Variants in AKAP19 observed in about 807,000 individuals in gnomAD.
The protein encoded by AKAP19 is A-kinase anchoring protein 19, also known as small A-kinase anchoring protein.
chr2:190,062,576 A>G, the AKAP19 span: 132 of 1,612,252 alleles, frequency 8.2e-5, no homozygotes, highest in Non-Finnish European at 1.1e-4. Context: ...AAATATAAAC[A>G]CAGAGTTGCA....
the AKAP19 span, among the ~76,000 whole-genome samples, chr2:190,174,871 A>G: frequency 1.1e-3 from 160 of 152,364 alleles, 1 homozygote; most frequent in African/African-American, 3.6e-3. Flanking sequence ...CCAAGCAGTA[A>G]TGTTCTTCTC....
chr2:190,074,379 C>T, the AKAP19 span, among the ~76,000 whole-genome samples: 6 of 151,984 alleles, frequency 3.9e-5, no homozygotes, highest in South Asian at 2.1e-4. Flanking sequence ...AGGCCAGGTG[C>T]GGTGGCTTCA....
chr2:190,085,877 G>A, the AKAP19 span, among the ~76,000 whole-genome samples: 6 of 152,168 alleles, frequency 3.9e-5, no homozygotes, highest in African/African-American at 1.4e-4. Flanking sequence ...TTATGAGCAC[G>A]AAGGCCATGG....
the AKAP19 span, chr2:189,930,650 TG>T: frequency 2.9e-6 from 1 of 343,100 alleles, no homozygotes; most frequent in East Asian, 6.9e-5. Flanking sequence ...CACTCCAGCC[TG>T]GGTGACAAGA....
chr2:190,084,560 CA>C, the AKAP19 span, among the ~76,000 whole-genome samples: 2 of 152,010 alleles, frequency 1.3e-5, no homozygotes, highest in Non-Finnish European at 2.9e-5. Context: ...TTCACGTAGT[CA>C]AAAAACACAA....
At chr2:190,107,422 T>A in the AKAP19 span, among the ~76,000 whole-genome samples, 1 of 151,616 alleles carries the variant, frequency 6.6e-6, no homozygotes, top group Non-Finnish European at 1.5e-5. Context: ...ATTCCAGTAT[T>A]TTTTTTTTCT....
At chr2:190,070,621 C>CA in the AKAP19 span, among the ~76,000 whole-genome samples, 1 of 139,756 alleles carries the variant, frequency 7.2e-6, no homozygotes, top group African/African-American at 2.6e-5. Context: ...CTCTCCCCCC[C>CA]CCCTTTTTTT....
the AKAP19 span, among the ~76,000 whole-genome samples, chr2:190,045,840 G>C: frequency 6.6e-6 from 1 of 152,200 alleles, no homozygotes; most frequent in South Asian, 2.1e-4. Context: ...TTGTCAGAAA[G>C]CCTGAGTATC....
At chr2:189,924,852 A>G in the AKAP19 span, among the ~76,000 whole-genome samples, 1 of 152,108 alleles carries the variant, frequency 6.6e-6, no homozygotes, top group Non-Finnish European at 1.5e-5. Context: ...TTTTTCCTCA[A>G]AATAAACAAG....
At chr2:190,120,230 T>A in the AKAP19 span, among the ~76,000 whole-genome samples, 1 of 152,128 alleles carries the variant, frequency 6.6e-6, no homozygotes, top group African/African-American at 2.4e-5. Context: ...GGATCCAGGT[T>A]TCGCGCACCT....
At chr2:190,159,641 G>A in the AKAP19 span, among the ~76,000 whole-genome samples, 12 of 152,222 alleles carry the variant, frequency 7.9e-5, 1 homozygote, top group South Asian at 8.3e-4. Context: ...TGACTGCTTC[G>A]TAACCACATT....
the AKAP19 span, among the ~76,000 whole-genome samples, chr2:189,885,382 G>T: frequency 4.6e-5 from 7 of 152,214 alleles, no homozygotes; most frequent in Admixed American, 1.3e-4. Flanking sequence ...GAGACTATGT[G>T]TGGAGAAAGA....
At chr2:190,143,517 A>T in the AKAP19 span, among the ~76,000 whole-genome samples, 2 of 152,092 alleles carry the variant, frequency 1.3e-5, no homozygotes, top group Admixed American at 6.6e-5. Flanking sequence ...CCTTATCATC[A>T]TATGTTTATG....
the AKAP19 span, among the ~76,000 whole-genome samples, chr2:190,183,259 G>A: frequency 6.6e-6 from 1 of 152,144 alleles, no homozygotes; most frequent in Admixed American, 6.5e-5. Flanking sequence ...TGCCAAGTAC[G>A]ATAATGGCTG....
At chr2:190,146,844 A>T in the AKAP19 span, among the ~76,000 whole-genome samples, 1 of 151,708 alleles carries the variant, frequency 6.6e-6, no homozygotes, top group African/African-American at 2.4e-5. Context: ...TATTGATGGG[A>T]TTGTTTATTT....
At chr2:190,031,854 A>T in the AKAP19 span, among the ~76,000 whole-genome samples, 21 of 152,204 alleles carry the variant, frequency 1.4e-4, no homozygotes, top group South Asian at 1.0e-3. Context: ...TCAGTTTTTT[A>T]AAAAAAATTT....
chr2:190,057,667 A>T, the AKAP19 span: 1 of 1,610,958 alleles, frequency 6.2e-7, no homozygotes. Context: ...ACAATCAGTA[A>T]TATCAATAGG....
the AKAP19 span, among the ~76,000 whole-genome samples, chr2:190,147,522 T>C: frequency 6.6e-6 from 1 of 152,234 alleles, no homozygotes; most frequent in African/African-American, 2.4e-5. Context: ...TTGTTTTTTC[T>C]AACTATGTGA....
At chr2:190,053,431 C>A in the AKAP19 span, among the ~76,000 whole-genome samples, 20 of 152,200 alleles carry the variant, frequency 1.3e-4, no homozygotes, top group Non-Finnish European at 2.9e-4. Context: ...TGTTATCTAG[C>A]GTAAATATAC....
Sources: allele counts gnomAD v4.1 joint callset (sites outside exome capture counted in the v4.1 genomes callset), GRCh38; gene constraint gnomAD v4.1.1; transcripts MANE v1.5; gene names NCBI Gene and HGNC (gene_info 2026-07-23, HGNC 2026-07-21).